Variants in LPP observed in about 807,000 individuals in gnomAD.
LPP encodes the protein lipoma-preferred partner.
LPP carries 38 observed loss-of-function variants against 60.4 expected under a neutral mutation model. The observed-to-expected ratio is 0.63, with a 90% CI of 0.49 to 0.83. The LOEUF is 0.83. LPP is among the 40% of genes least tolerant of loss of function. The pLI is 0.00. For synonymous variants in LPP, 328 were observed against 290.8 expected (o/e 1.13, Z -1.30); for missense variants, 902 against 783.6 (o/e 1.15, Z -1.80).
At chr3:188,727,046 G>A (rs1231122382) in intron 8 of LPP, among the ~76,000 whole-genome samples, 1 of 152,088 alleles carries the variant, frequency 6.6e-6, no homozygotes, top group South Asian at 2.1e-4. Flanking sequence ...GGACACACAG[G>A]TAGGTCTACA....
chr3:188,555,064 G>A (rs1829143773), intron 6 of LPP, among the ~76,000 whole-genome samples: 1 of 152,090 alleles, frequency 6.6e-6, no homozygotes. Flanking sequence ...GATATTTGAG[G>A]AGAGATCTCA....
At chr3:188,757,889 G>GTTTTTTGTTTTTTT (rs1553833771) in intron 8 of LPP, among the ~76,000 whole-genome samples, 41 of 78,710 alleles carry the variant, frequency 5.2e-4, no homozygotes, top group Non-Finnish European at 7.0e-4. Flanking sequence ...TGTTTTTTTG[G>GTTTTTTGTTTTTTT]TTTTTTTTTT....
At chr3:188,759,468 T>G (rs1017062584) in intron 8 of LPP, 2 of 152,418 alleles carry the variant, frequency 1.3e-5, no homozygotes, top group African/African-American at 2.4e-5. Context: ...AAGAGAGAGA[T>G]AAGGTCTCAG....
intron 2 of LPP, among the ~76,000 whole-genome samples, chr3:188,295,815 C>T (rs868646887): frequency 4.6e-5 from 7 of 152,282 alleles, no homozygotes; most frequent in Non-Finnish European, 8.8e-5. Flanking sequence ...ATATGAGCCC[C>T]GTGCCCAGCC....
At chr3:188,258,736 A>C in intron 2 of LPP, among the ~76,000 whole-genome samples, 1 of 152,244 alleles carries the variant, frequency 6.6e-6, no homozygotes, top group East Asian at 1.9e-4. Flanking sequence ...GAAGACGATC[A>C]CCGCATTAGG....
intron 8 of LPP, among the ~76,000 whole-genome samples, chr3:188,742,626 A>G (rs1055332015): frequency 1.3e-5 from 2 of 152,062 alleles, no homozygotes; most frequent in East Asian, 3.9e-4. Context: ...TACTGACACA[A>G]AGCAATCAGT....
In LPP at chr3:188,203,064, A is replaced by ATAATTTTATTTATAATAAAAATAT. The variant is rs1731530286; in HGVS notation, c.-189-22340_-189-22339insAATTTTATTTATAATAAAAATATT. 4.8e-5 allele frequency among the ~76,000 whole-genome samples: 7 copies of ATAATTTTATTTATAATAAAAATAT among 144,764 alleles called. No homozygotes were observed. In the South Asian group the frequency reaches 1.5e-3, roughly 30 times the overall value. 95.0% of individuals were successfully genotyped at this position (144,764 alleles called of 152,430 possible). A position where few individuals can be genotyped will look rare whatever the true frequency, so the allele number is the denominator to read the frequency against. On this transcript the variant is annotated intron_variant, in intron 1 of 11. Coordinates refer to ENST00000617246, the MANE Select transcript of LPP (RefSeq NM_001375462.1). Reference sequence around the variant, plus strand: ...TTTTTTATTTATAATAAAAATATTTATTATAATTATATAATAATTAAATTA... The same window carrying ATAATTTTATTTATAATAAAAATAT: ...TTTTTTATTTATAATAAAAATATTTATAATTTTATTTATAATAAAAATATTTATAATTATATAATAATTAAATTA...
chr3:188,243,369 T>C (rs1053313765), intron 2 of LPP, among the ~76,000 whole-genome samples: 2 of 152,186 alleles, frequency 1.3e-5, no homozygotes, highest in African/African-American at 4.8e-5. Context: ...TTGGCAATTC[T>C]TTTCCATCTT....
chr3:188,614,591 T>A (rs918088266), intron 7 of LPP, among the ~76,000 whole-genome samples: 18 of 152,198 alleles, frequency 1.2e-4, no homozygotes, highest in African/African-American at 4.1e-4. Context: ...TCTTTCTTTT[T>A]CTGATGAGGG....
At chr3:188,404,826 T>C (rs552304815) in intron 3 of LPP, among the ~76,000 whole-genome samples, 2 of 152,332 alleles carry the variant, frequency 1.3e-5, no homozygotes, top group South Asian at 4.1e-4. Flanking sequence ...TGGGGGCGCT[T>C]ACAGGGTGCC....
chr3:188,523,781 C>T (rs1462347964), intron 5 of LPP, among the ~76,000 whole-genome samples: 1 of 152,206 alleles, frequency 6.6e-6, no homozygotes, highest in African/African-American at 2.4e-5. Flanking sequence ...ACTTTGGTCT[C>T]TTAATGAAGT....
chr3:188,258,904 G>T (rs896347206), intron 2 of LPP, among the ~76,000 whole-genome samples: 6 of 152,036 alleles, frequency 3.9e-5, no homozygotes, highest in African/African-American at 1.4e-4. Context: ...CTGTGGAGAG[G>T]GTGTTACAGG....
chr3:188,675,360 C>T (rs1560047409), intron 7 of LPP, among the ~76,000 whole-genome samples: 1 of 152,184 alleles, frequency 6.6e-6, no homozygotes, highest in African/African-American at 2.4e-5. Context: ...TAGTTGGCTT[C>T]CTTAACTGCT....
intron 8 of LPP, among the ~76,000 whole-genome samples, chr3:188,722,687 AG>A (rs1716914957): frequency 6.6e-6 from 1 of 152,242 alleles, no homozygotes; most frequent in Non-Finnish European, 1.5e-5. Flanking sequence ...GCTCTTCTAT[AG>A]AACCTCAGAG....
chr3:188,537,408 G>T (rs182007378), intron 6 of LPP, among the ~76,000 whole-genome samples: 78 of 152,338 alleles, frequency 5.1e-4, no homozygotes, highest in African/African-American at 1.8e-3. Flanking sequence ...TATTTTGAAA[G>T]TTGTGACTAA....
chr3:188,240,283 A>T (rs1723659605), intron 2 of LPP: 1 of 170,062 alleles, frequency 5.9e-6, no homozygotes, highest in Non-Finnish European at 1.3e-5. Context: ...GGGTAGGAAT[A>T]GCTTACAGCT....
At chr3:188,317,552 G>C (rs1755453629) in intron 2 of LPP, among the ~76,000 whole-genome samples, 1 of 152,152 alleles carries the variant, frequency 6.6e-6, no homozygotes, top group African/African-American at 2.4e-5. Context: ...TAGCCAATAA[G>C]TAAGAAAATG....
At chr3:188,573,259 T>C (rs1009111779) in intron 6 of LPP, among the ~76,000 whole-genome samples, 4 of 152,104 alleles carry the variant, frequency 2.6e-5, no homozygotes, top group Admixed American at 6.6e-5. Flanking sequence ...TGTGTGACAT[T>C]GATGTGTGTC....
chr3:188,359,682 A>G (rs756643570), intron 3 of LPP, among the ~76,000 whole-genome samples: 6 of 152,142 alleles, frequency 3.9e-5, no homozygotes, highest in Non-Finnish European at 8.8e-5. Flanking sequence ...CAGTGAATCC[A>G]GAGTGGCTTG....
Sources: gnomAD v4.1 joint callset for allele counts (sites outside exome capture counted in the v4.1 genomes callset) on GRCh38, gnomAD v4.1.1 for gene constraint, MANE v1.5 for transcripts, NCBI Gene and HGNC (gene_info 2026-07-23, HGNC 2026-07-21) for gene names.